TRIM55: variants seen among roughly 807,000 people sequenced by gnomAD.
The protein encoded by TRIM55 is tripartite motif-containing protein 55.
A neutral mutation model predicts 60.9 loss-of-function variants in TRIM55; 50 were observed. That is an observed-to-expected ratio of 0.82 (90% CI 0.65 to 1.04). The LOEUF is 1.04. Among genes scored for constraint, TRIM55 ranks in the 50% least tolerant of loss-of-function variants. The pLI is 0.00. For missense variants in TRIM55, 681 were observed against 666.9 expected (o/e 1.02, Z -0.23); for synonymous variants, 237 against 238.1 (o/e 1.00, Z 0.04).
At chr8:66,164,691 C>T (rs1200711949) in intron 9 of TRIM55, among the ~76,000 whole-genome samples, 3 of 152,186 alleles carry the variant, frequency 2.0e-5, no homozygotes, top group Admixed American at 6.5e-5. Context: ...TATGGCTCTT[C>T]ACTCTCAAAT....
At chr8:66,123,235 C>A (rs2128970713), upstream of TRIM55, among the ~76,000 whole-genome samples, 1 of 152,336 alleles carries the variant, frequency 6.6e-6, no homozygotes, top group East Asian at 1.9e-4. Context: ...CCACTTTGAG[C>A]TGTCCCATCT....
chr8:66,174,485 T>G lies in TRIM55; in HGVS notation c.1539T>G (p.Ala513=). Residue 513 remains alanine (A), a synonymous_variant, in exon 10 of 10, where the codon GCT becomes GCG. Coordinates refer to ENST00000315962, the MANE Select transcript of TRIM55 (RefSeq NM_184085.2). ...TTCCATTGCAGATTGGATTTGAGGCTCCTCCCCTCCAGGGACAGGCTGCAG... is the reference window on the plus strand; with the variant it reads ...TTCCATTGCAGATTGGATTTGAGGCGCCTCCCCTCCAGGGACAGGCTGCAG... ...PAATSQIGFE[A]PPLQGQAAAP... is the part of the protein sequence containing the mutation. 1 of 1,611,886 alleles carries G rather than the reference T, an allele frequency of 6.2e-7. No homozygotes were observed. The highest frequency in any genetic ancestry group is 8.5e-7 in the Non-Finnish European group (1 of 1,179,404).
chr8:66,168,771 G>A (rs566641857), intron 9 of TRIM55, among the ~76,000 whole-genome samples: 11 of 152,192 alleles, frequency 7.2e-5, no homozygotes, highest in East Asian at 1.9e-4. Context: ...GGGCCTTGGC[G>A]TAAATTTCCT....
chr8:66,147,155 G>C (rs559562473), intron 4 of TRIM55, among the ~76,000 whole-genome samples: 1 of 152,332 alleles, frequency 6.6e-6, no homozygotes, highest in Admixed American at 6.5e-5. Context: ...CTTTCTCAGT[G>C]AACTGTGAGC....
At chr8:66,146,740 T>C (rs16932561) in intron 4 of TRIM55, among the ~76,000 whole-genome samples, 7,853 of 152,226 alleles carry the variant, frequency 0.052, 615 homozygotes, top group African/African-American at 0.17. Context: ...GAGAGTTTGA[T>C]TGGAAAGCTA....
At chr8:66,168,331 A>G (rs2128986191) in intron 9 of TRIM55, among the ~76,000 whole-genome samples, 1 of 152,116 alleles carries the variant, frequency 6.6e-6, no homozygotes, top group South Asian at 2.1e-4. Context: ...TCTTGGCTGT[A>G]CTCTCCTTCC....
chr8:66,172,221 A>C (rs1308500835), intron 9 of TRIM55, among the ~76,000 whole-genome samples: 1 of 152,230 alleles, frequency 6.6e-6, no homozygotes, highest in Non-Finnish European at 1.5e-5. Context: ...GAGAAAACTA[A>C]GGCTCAGAGA....
intron 4 of TRIM55, among the ~76,000 whole-genome samples, chr8:66,141,935 A>T (rs1315073886): frequency 6.6e-6 from 1 of 152,236 alleles, no homozygotes; most frequent in African/African-American, 2.4e-5. Flanking sequence ...TTGTTTAAAT[A>T]CCATGCCAGA....
rs1586176553 is a variant in TRIM55 at position 66,133,618 on chromosome 8, A to C, written c.342-1372A>C. ...TTCCTTTTGCAACAGTCAGATTCTA[A>C]AATTTTGAAACTGGAAGTCCGTGCA... On this transcript the variant is annotated intron_variant, in intron 2 of 9. Coordinates refer to ENST00000315962, the MANE Select transcript of TRIM55 (RefSeq NM_184085.2). Among the ~76,000 whole-genome samples the C allele has an allele frequency of 2.0e-5, 3 of 152,348 alleles. No homozygotes were observed. The East Asian group carries it at 5.8e-4, about 29-fold the overall frequency.
chr8:66,152,608 C>A lies in TRIM55; in HGVS notation c.1217C>A (p.Ala406Glu). 6.2e-7 allele frequency: 1 copy of A among 1,614,016 alleles called. No individual in the cohort carries two copies. The highest frequency in any genetic ancestry group is 8.5e-7 in the Non-Finnish European group (1 of 1,179,974). The change falls in exon 8 of 10, where the codon GCG becomes GAG. Residue 406 changes from alanine (A) to glutamate (E), a missense_variant. Physicochemically the swap from Ala to Glu is moderately radical, Grantham distance 107. Coordinates refer to ENST00000315962, the MANE Select transcript of TRIM55 (RefSeq NM_184085.2). ...CCACCTCCAGCCCTGCCACCTGCTG[C>A]GGATGCCCCTGTGACACAGGTAACC... Reference protein sequence around the residue: ...PEPPPALPPAADAPVTQGEVV... With the variant: ...PEPPPALPPAEDAPVTQGEVV...
In TRIM55 at chr8:66,127,142, A is replaced by G. The variant is rs924962868; in HGVS notation, c.-127A>G. ...CCACTCCAAACCAGGGCCTGAAACAATGTCCTCCACCGAGAGAAACGTAAA... is the reference window on the plus strand; with the variant it reads ...CCACTCCAAACCAGGGCCTGAAACAGTGTCCTCCACCGAGAGAAACGTAAA... On this transcript the variant is annotated 5_prime_UTR_variant, in exon 1 of 10. The change abolishes an upstream ATG in the 5' untranslated region. Transcript: ENST00000315962. 25 of 1,062,472 alleles carry G rather than the reference A, an allele frequency of 2.4e-5. No homozygotes were observed. The highest frequency in any genetic ancestry group is 3.1e-5 in the Non-Finnish European group (23 of 753,096). The allele number at this position is 1,062,472 out of a possible 1,614,324, so 65.8% of individuals were successfully genotyped here.
In TRIM55 at chr8:66,141,208, A is replaced by G. The variant is rs551930743; in HGVS notation, c.603+4018A>G. ...TGCATTAACATGAATTTACTGTGAT[A>G]ATGAAGAAGGATTTGAGAATGCCTA... On this transcript the variant is annotated intron_variant, in intron 4 of 9. Coordinates refer to ENST00000315962, the MANE Select transcript of TRIM55 (RefSeq NM_184085.2). Among the ~76,000 whole-genome samples, 3 of 152,348 alleles carry G rather than the reference A, an allele frequency of 2.0e-5. No homozygotes were observed. In the South Asian group the frequency reaches 6.2e-4, roughly 32 times the overall value.
chr8:66,135,527 A>G (rs1460787649), intron 3 of TRIM55, among the ~76,000 whole-genome samples: 2 of 152,218 alleles, frequency 1.3e-5, no homozygotes, highest in African/African-American at 2.4e-5. Context: ...TACAGATAAG[A>G]AAAGGACAGC....
At chr8:66,152,351 A>G (rs780962951) in intron 7 of TRIM55, 26 bp from the exon 8 acceptor site, 1 of 1,548,598 alleles carries the variant, frequency 6.5e-7, no homozygotes, top group South Asian at 1.2e-5. Context: ...AGTTATAACA[A>G]TTTACAAGAT....
At chr8:66,136,598 A>G (rs1809495075) in intron 3 of TRIM55, among the ~76,000 whole-genome samples, 1 of 152,186 alleles carries the variant, frequency 6.6e-6, no homozygotes. Flanking sequence ...TTAAAAGTTG[A>G]CATTTCTCCC....
intron 9 of TRIM55, among the ~76,000 whole-genome samples, chr8:66,160,102 A>C (rs147814476): frequency 0.013 from 1,924 of 152,212 alleles, 46 homozygotes; most frequent in African/African-American, 0.044. Context: ...GCACCCAAGC[A>C]GTGTACACTG....
intron 1 of TRIM55, 40 bp from the exon 2 acceptor site, chr8:66,128,264 G>C: frequency 6.5e-7 from 1 of 1,530,042 alleles, no homozygotes; most frequent in Middle Eastern, 2.1e-4. Flanking sequence ...AGCTGCTTGT[G>C]GCATTACCCA....
At chr8:66,163,510 T>A (rs1444813644) in intron 9 of TRIM55, among the ~76,000 whole-genome samples, 1 of 152,238 alleles carries the variant, frequency 6.6e-6, no homozygotes, top group East Asian at 1.9e-4. Context: ...TAGCTTACTT[T>A]GTAGTTTCTT....
intron 9 of TRIM55, among the ~76,000 whole-genome samples, chr8:66,162,157 T>C (rs1279671095): frequency 6.6e-6 from 1 of 152,118 alleles, no homozygotes; most frequent in Non-Finnish European, 1.5e-5. Flanking sequence ...TGTGGGTTTG[T>C]TGTAAATGGT....
Sources: allele counts gnomAD v4.1 joint callset (sites outside exome capture counted in the v4.1 genomes callset), GRCh38; gene constraint gnomAD v4.1.1; transcripts MANE v1.5; gene names NCBI Gene and HGNC (gene_info 2026-07-23, HGNC 2026-07-21).